The following ANGEL2 variants were observed in gnomAD, a reference collection of about 807,000 sequenced individuals.
ANGEL2 encodes RNA 2',3'-cyclic phosphatase ANGEL2.
ANGEL2 carries 41 observed loss-of-function variants against 66.0 expected under a neutral mutation model. That is an observed-to-expected ratio of 0.62 (90% CI 0.48 to 0.81). The LOEUF is 0.81. ANGEL2 is among the 30% of genes least tolerant of loss of function. ANGEL2 has a pLI of 0.00. For missense variants in ANGEL2, 561 were observed against 641.6 expected, an observed-to-expected ratio of 0.87 and a Z score of 1.36; for synonymous variants, 208 against 226.5, an observed-to-expected ratio of 0.92 and a Z score of 0.73.
intron 3 of ANGEL2, 61 bp from the exon 4 acceptor site, chr1:213,007,259 C>T: frequency 7.8e-7 from 1 of 1,278,328 alleles, no homozygotes; most frequent in Middle Eastern, 2.2e-4. Flanking sequence ...TTTCCTGGTG[C>T]TTTTATCTTA....
intron 5 of ANGEL2, among the ~76,000 whole-genome samples, chr1:213,003,159 C>G (rs2076224125): frequency 6.6e-6 from 1 of 152,226 alleles, no homozygotes. Context: ...AGACTTAATG[C>G]ATTCCTCTGG....
chr1:213,014,371 G>T (rs1293390684), intron 1 of ANGEL2, among the ~76,000 whole-genome samples: 1 of 152,080 alleles, frequency 6.6e-6, no homozygotes, highest in Admixed American at 6.6e-5. Context: ...AACTTTATAC[G>T]CTGTTATTCT....
rs1328903548 is a variant in ANGEL2 at position 212,992,889 on chromosome 1, G to A, written c.*2152C>T. The stretch of plus-strand genomic sequence containing the variant: ...TTTTTCTTTCCCCAATATTAAAAAG[G>A]GATAATTATACTATCATTATAATTT... On this transcript the variant is annotated 3_prime_UTR_variant, in exon 9 of 9. Transcript: ENST00000366962. 6.6e-6 allele frequency: 1 copy of A among 152,050 alleles called. No individual in the cohort carries two copies. The highest frequency in any genetic ancestry group is 1.5e-5 in the Non-Finnish European group (1 of 68,016). 9.4% of individuals were successfully genotyped at this position (152,050 alleles called of 1,614,324 possible). A position where few individuals can be genotyped will look rare whatever the true frequency, so the allele number is the denominator to read the frequency against.
intron 4 of ANGEL2, 36 bp downstream of exon 4, chr1:213,007,093 A>G: frequency 3.3e-6 from 5 of 1,507,586 alleles, no homozygotes; most frequent in Non-Finnish European, 4.5e-6. Flanking sequence ...ACCCTGTCTC[A>G]AAAAAGAAAA....
intron 4 of ANGEL2, 151 bp from the exon 5 acceptor site, chr1:213,005,605 G>T (rs917354185): frequency 1.2e-6 from 1 of 856,592 alleles, no homozygotes; most frequent in Non-Finnish European, 1.7e-6. Flanking sequence ...AATAAAAAAC[G>T]TTTGACACTG....
At chr1:213,004,726 G>C (rs375582188) in intron 5 of ANGEL2, among the ~76,000 whole-genome samples, 9 of 151,850 alleles carry the variant, frequency 5.9e-5, no homozygotes, top group African/African-American at 1.7e-4. Context: ...AAATTAGCCA[G>C]GTGTGGTGGC....
chr1:213,008,573 AT>A, intron 2 of ANGEL2, 107 bp from the exon 3 acceptor site: 1 of 1,339,894 alleles, frequency 7.5e-7, no homozygotes, highest in South Asian at 1.5e-5. Flanking sequence ...TAAGCAATGA[AT>A]AGAATGTTTT....
At chr1:213,014,411 A>G (rs960212525) in intron 1 of ANGEL2, among the ~76,000 whole-genome samples, 8 of 152,198 alleles carry the variant, frequency 5.3e-5, no homozygotes, top group Non-Finnish European at 1.0e-4. Flanking sequence ...TTTTTATTAT[A>G]ATTTTTACAG....
chr1:212,997,785 A>T (rs913659597), intron 7 of ANGEL2, among the ~76,000 whole-genome samples: 1 of 152,192 alleles, frequency 6.6e-6, no homozygotes, highest in Non-Finnish European at 1.5e-5. Flanking sequence ...ATGGTTTATT[A>T]TATTTGCCCC....
In ANGEL2 at chr1:213,015,724, C is replaced by T; in HGVS notation, c.-53G>A. ...CAGGCCCCGGGTTCCACCTCAATCT[C>T]TATAATCGATGCGACGGCCTAAAGT... On this transcript the variant is annotated 5_prime_UTR_variant, in exon 1 of 9. It removes the in-frame stop codon of an upstream open reading frame in the 5' UTR. Transcript: ENST00000366962. 6.2e-7 allele frequency: 1 copy of T among 1,612,718 alleles called. No homozygotes were observed. Among genetic ancestry groups the T allele is most frequent in the Non-Finnish European group, 8.5e-7 (1 of 1,178,822 alleles).
rs1042085346 is a variant in ANGEL2, at chr1:213,004,062, G to A, written c.1134+971C>T. ...CTACTAAAAATACAAAAAATTAGCC[G>A]GGCTTGGTGGTGCAAGCCTGTAGTC... is the stretch of plus-strand genomic sequence containing the variant. On this transcript the variant is annotated intron_variant, in intron 5 of 8. Coordinates refer to ENST00000366962, the MANE Select transcript of ANGEL2 (RefSeq NM_144567.5). Among the ~76,000 whole-genome samples the A allele has an allele frequency of 4.6e-5, 7 of 151,938 alleles. 1 individual carries two copies. The highest frequency in any genetic ancestry group is 3.3e-4 in the Admixed American group (5 of 15,248).
chr1:213,015,748 G>T lies in ANGEL2; in HGVS notation c.-77C>A. 15 of 1,597,598 alleles carry T rather than the reference G, an allele frequency of 9.4e-6. No individual in the cohort carries two copies. The South Asian group carries it at 1.3e-4, about 14-fold the overall frequency. ...TCTATAATCGATGCGACGGCCTAAAGTATCTAGGGAACCCCATCACTCTTA... is the reference window on the plus strand; with the variant it reads ...TCTATAATCGATGCGACGGCCTAAATTATCTAGGGAACCCCATCACTCTTA... On this transcript the variant is annotated 5_prime_UTR_variant, in exon 1 of 9. The change creates a premature stop within an existing upstream ORF in the 5' untranslated region. Coordinates refer to ENST00000366962, the MANE Select transcript of ANGEL2 (RefSeq NM_144567.5).
rs71585821 is a variant in ANGEL2, at chr1:212,996,623, C to CAAAAA, written c.1483+527_1483+531dup. Among the ~76,000 whole-genome samples, 2 of 22,092 alleles carry CAAAAA rather than the reference C, an allele frequency of 9.1e-5. 1 individual carries two copies. Among genetic ancestry groups the CAAAAA allele is most frequent in the African/African-American group, 1.7e-4 (2 of 12,036 alleles). The allele number at this position is 22,092 out of a possible 152,430, so 14.5% of individuals were successfully genotyped here. ...GGGTAACAGAGCGAGACTCTGTATC[C>CAAAAA]AAAAAAAAAAAAAAAAAATATATAT... On this transcript the variant is annotated intron_variant, in intron 8 of 8. Coordinates refer to ENST00000366962, the MANE Select transcript of ANGEL2 (RefSeq NM_144567.5).
rs1036715543 is a variant in ANGEL2 at position 212,993,654 on chromosome 1, A to C, written c.*1387T>G. 1.3e-5 allele frequency: 2 copies of C among 152,242 alleles called. No homozygotes were observed. The highest frequency in any genetic ancestry group is 2.9e-5 in the Non-Finnish European group (2 of 68,046). The allele number at this position is 152,242 out of a possible 1,614,324, so 9.4% of individuals were successfully genotyped here. ...TTTATGTTTTAAAATTGATTCAAACACTTGTATAGAGGATTTATTAAACCT... is the reference window on the plus strand; with the variant it reads ...TTTATGTTTTAAAATTGATTCAAACCCTTGTATAGAGGATTTATTAAACCT... On this transcript the variant is annotated 3_prime_UTR_variant, in exon 9 of 9. Transcript: ENST00000366962.
chr1:212,999,493 T>G (rs2076120377), intron 7 of ANGEL2, among the ~76,000 whole-genome samples: 1 of 152,222 alleles, frequency 6.6e-6, no homozygotes, highest in African/African-American at 2.4e-5. Context: ...GCTTCCATTC[T>G]TACTAGTTCT....
At chr1:213,000,689 C>T (rs972009674) in intron 6 of ANGEL2, 97 bp downstream of exon 6, 6 of 1,314,106 alleles carry the variant, frequency 4.6e-6, no homozygotes, top group Middle Eastern at 5.5e-4. Context: ...TATGAATATT[C>T]ATCCCTGAGA....
chr1:213,012,442 T>A (rs1278439856), intron 2 of ANGEL2, among the ~76,000 whole-genome samples: 1 of 152,204 alleles, frequency 6.6e-6, no homozygotes, highest in Admixed American at 6.5e-5. Context: ...TAGTGAATTG[T>A]TCAGAGTAGA....
Position 213,005,404 on chromosome 1 carries a change from C to T in ANGEL2, c.763G>A (p.Ala255Thr), listed in dbSNP as rs749390709. 3.3e-5 allele frequency: 54 copies of T among 1,613,406 alleles called. No homozygotes were observed. Among genetic ancestry groups the T allele is most frequent in the Admixed American group, 2.0e-4 (12 of 59,984 alleles). ...AATTTGGAATGTTTGAAGCAAATAG[C>T]ACAGCCATCAGGTTTCCTTCCTGTC... ...MRTGRKPDGC[A>T]ICFKHSKFSL... Residue 255 changes from alanine (A) to threonine (T), a missense_variant, in exon 5 of 9, where the codon GCT becomes ACT. Physicochemically the swap from Ala to Thr is moderately conservative, Grantham distance 58. Coordinates refer to ENST00000366962, the MANE Select transcript of ANGEL2 (RefSeq NM_144567.5).
rs2076051805 is a variant in ANGEL2 at position 212,997,278 on chromosome 1, C to A, written c.1360G>T (p.Val454Phe). 1 of 1,612,246 alleles carries A rather than the reference C, an allele frequency of 6.2e-7. No homozygotes were observed. The highest frequency in any genetic ancestry group is 8.5e-7 in the Non-Finnish European group (1 of 1,178,700). Residue 454 changes from valine (V) to phenylalanine (F), a missense_variant, in exon 8 of 9, where the codon GTT (valine) becomes TTT (phenylalanine). Physicochemically the swap from Val to Phe is conservative, Grantham distance 50. Coordinates refer to ENST00000366962, the MANE Select transcript of ANGEL2 (RefSeq NM_144567.5). ...NLQHHFSLSS[V>F]YSHYFPDTGI... ...GTGTCAGGAAAGTAATGTGAATAAA[C>A]AGATGACAAACTGAAATGGTGCTGT... is the stretch of plus-strand genomic sequence containing the variant.
Sources: allele counts gnomAD v4.1 joint callset (sites outside exome capture counted in the v4.1 genomes callset), GRCh38; gene constraint gnomAD v4.1.1; transcripts MANE v1.5; gene names NCBI Gene and HGNC (gene_info 2026-07-23, HGNC 2026-07-21).